TRUB1: variants seen among roughly 807,000 people sequenced by gnomAD.
TRUB1 encodes the protein TruB pseudouridine synthase family member 1.
A neutral mutation model predicts 33.9 loss-of-function variants in TRUB1; 23 were observed. The observed-to-expected ratio is 0.68, with a 90% CI of 0.49 to 0.96. The LOEUF (loss-of-function observed/expected upper bound fraction) is 0.96. Among genes scored for constraint, TRUB1 ranks in the 40% least tolerant of loss-of-function variants. TRUB1 has a pLI of 0.00. For synonymous variants in TRUB1, 163 were observed against 165.4 expected (o/e 0.99, Z 0.11); for missense variants, 378 against 422.2 (o/e 0.90, Z 0.92).
At chr10:114,951,225 AAAAT>A in intron 3 of TRUB1, 76 bp downstream of exon 3, 1 of 1,176,784 alleles carries the variant, frequency 8.5e-7, no homozygotes, top group Non-Finnish European at 1.3e-6. Flanking sequence ...TATCAAATAA[AAAAT>A]AAACTGAGTA....
intron 3 of TRUB1, 40 bp from the exon 4 acceptor site, chr10:114,959,686 G>A (rs1564699972): frequency 7.3e-7 from 1 of 1,361,078 alleles, no homozygotes; most frequent in Non-Finnish European, 1.1e-6. Context: ...GTTTTTGTTT[G>A]CCTCACGGCC....
At position 114,938,332 on chromosome 10, in the gene TRUB1, A is replaced by G. The variant is rs760683874; in HGVS notation, c.79A>G (p.Thr27Ala). The change falls in exon 1 of 8, where the codon ACG becomes GCG. Residue 27 changes from threonine (T) to alanine (A), a missense_variant. By Grantham distance (58) the Thr-to-Ala change is moderately conservative. Coordinates refer to ENST00000298746, the MANE Select transcript of TRUB1 (RefSeq NM_139169.5). ...DTSPVLETAG[T>A]VAAMAATPSA... Reference sequence around the variant, plus strand: ...ATCCCCTGTCCTTGAAACTGCAGGAACGGTCGCAGCAATGGCTGCGACCCC... The same window carrying G: ...ATCCCCTGTCCTTGAAACTGCAGGAGCGGTCGCAGCAATGGCTGCGACCCC... 6.2e-6 allele frequency: 10 copies of G among 1,613,422 alleles called. No homozygotes were observed. Among genetic ancestry groups the G allele is most frequent in the Non-Finnish European group, 8.5e-6 (10 of 1,179,734 alleles).
chr10:114,963,665 TA>T (rs34152503), intron 4 of TRUB1, among the ~76,000 whole-genome samples: 1 of 152,252 alleles, frequency 6.6e-6, no homozygotes, highest in Non-Finnish European at 1.5e-5. Context: ...GAGATGGTTT[TA>T]AAACTAAGGC....
At chr10:114,946,981 T>G (rs1283544043) in intron 2 of TRUB1, among the ~76,000 whole-genome samples, 2 of 152,192 alleles carry the variant, frequency 1.3e-5, no homozygotes, top group East Asian at 3.9e-4. Context: ...CAGCTGACTT[T>G]AAGATAGATT....
In TRUB1 at chr10:114,974,322, A is replaced by G. The variant is rs1190389118; in HGVS notation, c.737-7A>G. ...AGCAATTTACTATGTCACTGTTAAC[A>G]TTCCAGATGTTGAATGTGGAGGAGG... On this transcript the variant is annotated splice_polypyrimidine_tract_variant and splice_region_variant and intron_variant, in intron 6 of 7. Transcript: ENST00000298746. 1.2e-6 allele frequency: 2 copies of G among 1,611,370 alleles called. No individual in the cohort carries two copies. Among genetic ancestry groups the G allele is most frequent in the Non-Finnish European group, 1.7e-6 (2 of 1,178,078 alleles).
chr10:114,957,545 C>T (rs1028107696), intron 3 of TRUB1, among the ~76,000 whole-genome samples: 2 of 152,132 alleles, frequency 1.3e-5, no homozygotes, highest in Non-Finnish European at 2.9e-5. Context: ...TTGTATCGAG[C>T]ACCTACTCTT....
intron 4 of TRUB1, among the ~76,000 whole-genome samples, chr10:114,964,241 G>A (rs2084296837): frequency 6.6e-6 from 1 of 151,924 alleles, no homozygotes; most frequent in Non-Finnish European, 1.5e-5. Flanking sequence ...ATGAGATTTG[G>A]CACCTTATTA....
intron 4 of TRUB1, among the ~76,000 whole-genome samples, chr10:114,960,448 T>A (rs2084280557): frequency 6.6e-6 from 1 of 152,210 alleles, no homozygotes; most frequent in South Asian, 2.1e-4. Flanking sequence ...TTCACCTGCA[T>A]CATTATGTCA....
chr10:114,940,142 A>G (rs1275829667), intron 1 of TRUB1, among the ~76,000 whole-genome samples: 1 of 151,950 alleles, frequency 6.6e-6, no homozygotes, highest in East Asian at 1.9e-4. Flanking sequence ...TGTTTTTGAG[A>G]TGGAGTTTCG....
Position 114,977,488 on chromosome 10 carries a change from A to T in TRUB1, c.*2109A>T, listed in dbSNP as rs2143045023. On this transcript the variant is annotated 3_prime_UTR_variant, in exon 8 of 8. Coordinates refer to ENST00000298746, the MANE Select transcript of TRUB1 (RefSeq NM_139169.5). ...AATAATATGAAGAACTTTATGACTTATGTTTGCCTTATTGCATTCCCAAAG... is the reference window on the plus strand; with the variant it reads ...AATAATATGAAGAACTTTATGACTTTTGTTTGCCTTATTGCATTCCCAAAG... 1 of 152,134 alleles carries T rather than the reference A, an allele frequency of 6.6e-6. No individual in the cohort carries two copies. Among genetic ancestry groups the T allele is most frequent in the Non-Finnish European group, 1.5e-5 (1 of 67,890 alleles). 9.4% of individuals were successfully genotyped at this position (152,134 alleles called of 1,614,324 possible).
In TRUB1 at chr10:114,938,367, G is replaced by A. The variant is rs2084169247; in HGVS notation, c.114G>A (p.Arg38=). 6.2e-7 allele frequency: 1 copy of A among 1,610,762 alleles called. No individual in the cohort carries two copies. Among genetic ancestry groups the A allele is most frequent in the African/African-American group, 1.3e-5 (1 of 74,730 alleles). Residue 38 remains arginine, a synonymous_variant, in exon 1 of 8, where the codon AGG becomes AGA. Coordinates refer to ENST00000298746, the MANE Select transcript of TRUB1 (RefSeq NM_139169.5). ...VAAMAATPSA[R]AAAAVVAAAA... is the part of the protein sequence containing the mutation. Reference sequence around the variant, plus strand: ...CAATGGCTGCGACCCCGTCAGCAAGGGCTGCAGCCGCGGTGGTTGCGGCCG... The same window carrying A: ...CAATGGCTGCGACCCCGTCAGCAAGAGCTGCAGCCGCGGTGGTTGCGGCCG...
At chr10:114,972,059 C>G (rs1251563603) in intron 5 of TRUB1, 76 bp from the exon 6 acceptor site, 36 of 1,506,446 alleles carry the variant, frequency 2.4e-5, no homozygotes, top group African/African-American at 1.4e-5. Flanking sequence ...CTGAAATTAT[C>G]ATCTCCCAAT....
chr10:114,974,805 G>A (rs571789132), intron 7 of TRUB1, among the ~76,000 whole-genome samples: 20 of 152,166 alleles, frequency 1.3e-4, no homozygotes, highest in Middle Eastern at 3.4e-3. Flanking sequence ...GGCAGTTGTC[G>A]CACTGGACAG....
rs994831622 is a variant in TRUB1, at chr10:114,956,504, T to G, written c.442-3222T>G. Among the ~76,000 whole-genome samples the G allele has an allele frequency of 6.0e-4, 91 of 152,306 alleles. 1 individual carries two copies. Among genetic ancestry groups the G allele is most frequent in the African/African-American group, 2.1e-3 (86 of 41,566 alleles). ...GCTTAACTGTGTGGGTGAATTTTTCTAAATGGTTTGTGGATAATTGAATAA... is the reference window on the plus strand; with the variant it reads ...GCTTAACTGTGTGGGTGAATTTTTCGAAATGGTTTGTGGATAATTGAATAA... On this transcript the variant is annotated intron_variant, in intron 3 of 7. Transcript: ENST00000298746.
chr10:114,941,833 A>G (rs992690937), intron 1 of TRUB1, among the ~76,000 whole-genome samples: 4 of 151,672 alleles, frequency 2.6e-5, no homozygotes, highest in African/African-American at 9.7e-5. Context: ...CGCCCAGGCT[A>G]GAGTGCAGTG....
intron 5 of TRUB1, among the ~76,000 whole-genome samples, chr10:114,970,933 T>G (rs2084334179): frequency 6.6e-6 from 1 of 152,198 alleles, no homozygotes; most frequent in Admixed American, 6.5e-5. Flanking sequence ...AATACAAGTA[T>G]ATTGCTTTAC....
chr10:114,972,361 T>C (rs17794983), intron 6 of TRUB1, 87 bp downstream of exon 6: 21,924 of 1,386,400 alleles, frequency 0.016, 219 homozygotes, highest in Admixed American at 0.019. Flanking sequence ...AATAGATCCG[T>C]AGGATGTTGG....
intron 3 of TRUB1, among the ~76,000 whole-genome samples, chr10:114,957,561 T>C (rs986544677): frequency 3.3e-5 from 5 of 152,186 alleles, no homozygotes; most frequent in African/African-American, 1.2e-4. Context: ...CTCTTAGTCA[T>C]GCTGTGGAGG....
Position 114,975,424 on chromosome 10 carries a change from C to T in TRUB1, c.*45C>T. On this transcript the variant is annotated 3_prime_UTR_variant, in exon 8 of 8. Transcript: ENST00000298746. ...TCATTTTCTAGTTGACATTTGAATC[C>T]TGTGTGCAGATGCAGAATGACAAGC... The T allele has an allele frequency of 4.0e-6, 6 of 1,488,790 alleles. No homozygotes were observed. The highest frequency in any genetic ancestry group is 1.4e-5 in the South Asian group (1 of 69,408). 92.2% of individuals were successfully genotyped at this position (1,488,790 alleles called of 1,614,324 possible).
Sources: gnomAD v4.1 joint callset for allele counts (sites outside exome capture counted in the v4.1 genomes callset) on GRCh38, gnomAD v4.1.1 for gene constraint, MANE v1.5 for transcripts, NCBI Gene and HGNC (gene_info 2026-07-23, HGNC 2026-07-21) for gene names.